The following VPS39 variants were observed in gnomAD, a reference collection of about 807,000 sequenced individuals.
The protein encoded by VPS39 is VPS39 subunit of HOPS complex.
In VPS39, 70 loss-of-function variants were observed where a neutral mutation model predicts 121.0. That is an observed-to-expected ratio of 0.58 (90% CI 0.48 to 0.71). VPS39 has a LOEUF of 0.71. Among genes scored for constraint, VPS39 ranks in the 30% least tolerant of loss-of-function variants. The pLI, the probability that VPS39 is intolerant of heterozygous loss-of-function variation, is 0.00. For missense variants in VPS39, 818 were observed against 1,051.5 expected, an observed-to-expected ratio of 0.78 and a Z score of 3.07; for synonymous variants, 378 against 398.1, an observed-to-expected ratio of 0.95 and a Z score of 0.60.
In VPS39 at chr15:42,166,247, A is replaced by T. The variant is rs762400642; in HGVS notation, c.1607-15T>A. On this transcript the variant is annotated splice_polypyrimidine_tract_variant and intron_variant, in intron 15 of 24. Transcript: ENST00000318006. ...GTTTTCTGTGCCTAGAAGGAAAAGC[A>T]GGACTTGTCAGCAGTTGAGGCCCAT... The T allele has an allele frequency of 4.3e-6, 7 of 1,613,532 alleles. No homozygotes were observed. Among genetic ancestry groups the T allele is most frequent in the Middle Eastern group, 1.7e-4 (1 of 5,916 alleles).
At position 42,194,666 on chromosome 15, in the gene VPS39, T is replaced by C. The variant is rs568920998; in HGVS notation, c.140-3106A>G. Among the ~76,000 whole-genome samples, 71 of 151,420 alleles carry C rather than the reference T, an allele frequency of 4.7e-4. No homozygotes were observed. In the South Asian group the frequency reaches 0.014, roughly 30 times the overall value. ...GAGGATCGCCTGAGCCTAGGAGTTA[T>C]AGGTTGCAGTGAGTCATGATTGCGC... On this transcript the variant is annotated intron_variant, in intron 2 of 24. Transcript: ENST00000318006.
Position 42,162,390 on chromosome 15 carries a change from T to C in VPS39, c.2267A>G (p.Asn756Ser). 6.2e-7 allele frequency: 1 copy of C among 1,611,522 alleles called. No individual in the cohort carries two copies. Among genetic ancestry groups the C allele is most frequent in the Non-Finnish European group, 8.5e-7 (1 of 1,178,972 alleles). The part of the protein sequence containing the change: ...IKLELLEPKA[N>S]LQAALQVLEL... ...GAGGACCTGCAGAGCGGCCTGGAGGTTGGCTTTTGGCTCCAGTAGTTCCAG... is the reference window on the plus strand; with the variant it reads ...GAGGACCTGCAGAGCGGCCTGGAGGCTGGCTTTTGGCTCCAGTAGTTCCAG... Residue 756 changes from asparagine to serine, a missense_variant, in exon 22 of 25, where the codon AAC becomes AGC. By Grantham distance (46) the Asn-to-Ser change is conservative. Coordinates refer to ENST00000318006, the MANE Select transcript of VPS39 (RefSeq NM_015289.5).
intron 1 of VPS39, among the ~76,000 whole-genome samples, chr15:42,207,509 G>T (rs1352778015): frequency 2.0e-5 from 3 of 152,146 alleles, no homozygotes; most frequent in African/African-American, 7.2e-5. Flanking sequence ...CCTACAGTTA[G>T]GTAACTTGGA....
intron 2 of VPS39, among the ~76,000 whole-genome samples, chr15:42,191,770 T>G (rs1376893696): frequency 6.6e-6 from 1 of 152,208 alleles, no homozygotes; most frequent in Non-Finnish European, 1.5e-5. Flanking sequence ...TTCATGCACC[T>G]TCACTCGGCA....
At chr15:42,190,806 A>G (rs1395402906) in intron 4 of VPS39, among the ~76,000 whole-genome samples, 1 of 152,254 alleles carries the variant, frequency 6.6e-6, no homozygotes, top group Non-Finnish European at 1.5e-5. Context: ...CTTCATAATC[A>G]GAATGTAAGT....
chr15:42,165,493 TC>T, intron 17 of VPS39: 1 of 492,158 alleles, frequency 2.0e-6, no homozygotes, highest in East Asian at 3.4e-5. Context: ...AATTTTTTTT[TC>T]TAAAACATTA....
chr15:42,162,617 A>C (rs1372321434), intron 21 of VPS39, 136 bp from the exon 22 acceptor site: 3 of 1,069,480 alleles, frequency 2.8e-6, no homozygotes, highest in Non-Finnish European at 3.8e-6. Context: ...GGTCATTTTC[A>C]CCTTGTAAAT....
rs776401032 is a variant in VPS39, at chr15:42,169,716, A to C, written c.1233+8T>G. ...CAAACTCTTTCACGCACTCTGTACT[A>C]TACCTACCTGTGTCAGGTAGTCAAT... On this transcript the variant is annotated splice_region_variant and intron_variant, in intron 12 of 24. Transcript: ENST00000318006. 1.9e-6 allele frequency: 3 copies of C among 1,613,496 alleles called. No homozygotes were observed. In the African/African-American group the frequency reaches 4.0e-5, roughly 22 times the overall value.
At chr15:42,182,852 C>T (rs1286614713) in intron 8 of VPS39, among the ~76,000 whole-genome samples, 2 of 152,188 alleles carry the variant, frequency 1.3e-5, no homozygotes, top group Non-Finnish European at 1.5e-5. Flanking sequence ...GAACTCTCAT[C>T]CTGGGAAATC....
rs779247326 is a variant in VPS39 at position 42,162,186 on chromosome 15, T to C, written c.2326-20A>G. On this transcript the variant is annotated intron_variant, in intron 22 of 24. Coordinates refer to ENST00000318006, the MANE Select transcript of VPS39 (RefSeq NM_015289.5). ...GAGGGCCTAGGGACAGGAACAGAGA[T>C]AGGGACTGGGTGAGGTGAACAGGAG... 4 of 1,614,042 alleles carry C rather than the reference T, an allele frequency of 2.5e-6. No homozygotes were observed. Among genetic ancestry groups the C allele is most frequent in the East Asian group, 4.5e-5 (2 of 44,888 alleles).
chr15:42,190,767 T>C (rs942647538), intron 4 of VPS39, among the ~76,000 whole-genome samples: 1 of 152,210 alleles, frequency 6.6e-6, no homozygotes, highest in Non-Finnish European at 1.5e-5. Context: ...CTTACCACAT[T>C]GTATCGTGAT....
intron 1 of VPS39, among the ~76,000 whole-genome samples, chr15:42,207,670 G>T (rs1191424567): frequency 6.6e-6 from 1 of 152,170 alleles, no homozygotes; most frequent in African/African-American, 2.4e-5. Context: ...CAAAACCAGG[G>T]TTGACTTTCA....
chr15:42,184,495 C>T (rs376615992), intron 8 of VPS39, 22 bp downstream of exon 8: 11 of 1,571,192 alleles, frequency 7.0e-6, no homozygotes, highest in Non-Finnish European at 9.5e-6. Context: ...AAGTGGGAAA[C>T]AGCAGCTACT....
At position 42,187,816 on chromosome 15, in the gene VPS39, G is replaced by T. The variant is rs1470556187; in HGVS notation, c.383C>A (p.Ala128Glu). Residue 128 changes from alanine to glutamate, a missense_variant, in exon 6 of 25, where the codon GCA becomes GAA. By Grantham distance (107) the Ala-to-Glu change is moderately radical. Coordinates refer to ENST00000318006, the MANE Select transcript of VPS39 (RefSeq NM_015289.5). ...ATAGAGCTGCAGCTTCTTTTTTACT[G>T]CCACACACATCCGTAACACCTCCTC... ...TGEEVLRMCV[A>E]VKKKLQLYFW... is the part of the protein sequence containing the mutation. 1 of 1,614,100 alleles carries T rather than the reference G, an allele frequency of 6.2e-7. No homozygotes were observed. The highest frequency in any genetic ancestry group is 8.5e-7 in the Non-Finnish European group (1 of 1,180,026).
intron 2 of VPS39, 126 bp downstream of exon 2, chr15:42,199,770 C>A (rs2050026095): frequency 2.0e-6 from 2 of 1,014,022 alleles, no homozygotes; most frequent in African/African-American, 3.4e-5. Flanking sequence ...GTCTTCTCCC[C>A]ATTTTCCCAC....
intron 5 of VPS39, among the ~76,000 whole-genome samples, chr15:42,188,848 C>T (rs762581156): frequency 2.6e-5 from 4 of 152,118 alleles, no homozygotes; most frequent in Non-Finnish European, 4.4e-5. Context: ...CACCTGTAGT[C>T]CCAGCTACAC....
At chr15:42,204,663 GAAATAAAATA>G (rs201532379) in intron 1 of VPS39, among the ~76,000 whole-genome samples, 3 of 151,878 alleles carry the variant, frequency 2.0e-5, no homozygotes, top group African/African-American at 4.8e-5. Flanking sequence ...AAATAATAAT[GAAATAAAATA>G]AAATAAAATA....
intron 21 of VPS39, 22 bp from the exon 22 acceptor site, chr15:42,162,503 T>C (rs1712390): frequency 0.025 from 39,384 of 1,571,442 alleles, 2,784 homozygotes; most frequent in African/African-American, 0.19. Context: ...AGACATGAGC[T>C]ACGTCAGGCT....
rs749825228 is a variant in VPS39, at chr15:42,163,641, G to C, written c.2114C>G (p.Thr705Arg). ...LFIYVHILKD[T>R]RMAEEYCHKH... ...GCAAACTTACTCCTCAGCCATCCTTGTATCCTTCAAGATGTGGACATAAAT... is the reference window on the plus strand; with the variant it reads ...GCAAACTTACTCCTCAGCCATCCTTCTATCCTTCAAGATGTGGACATAAAT... Residue 705 changes from threonine to arginine, a missense_variant, in exon 20 of 25, where the codon ACA becomes AGA. Coordinates refer to ENST00000318006, the MANE Select transcript of VPS39 (RefSeq NM_015289.5). 1 of 1,613,852 alleles carries C rather than the reference G, an allele frequency of 6.2e-7. No individual in the cohort carries two copies. The highest frequency in any genetic ancestry group is 8.5e-7 in the Non-Finnish European group (1 of 1,179,884).
Sources: gnomAD v4.1 joint callset for allele counts (sites outside exome capture counted in the v4.1 genomes callset) on GRCh38, gnomAD v4.1.1 for gene constraint, MANE v1.5 for transcripts, NCBI Gene and HGNC (gene_info 2026-07-23, HGNC 2026-07-21) for gene names.